The following CHN2 variants were observed in gnomAD, a reference collection of about 807,000 sequenced individuals.
CHN2 encodes beta-chimaerin.
Under a neutral mutation model 56.3 loss-of-function variants are expected in CHN2, and 35 were observed. The observed-to-expected ratio is 0.62, with a 90% CI of 0.47 to 0.82. The LOEUF is 0.82. Among genes scored for constraint, CHN2 ranks in the 40% least tolerant of loss-of-function variants. The probability of loss-of-function intolerance (pLI) is 0.00; values close to 1 mark genes in which losing one functional copy is unlikely to be tolerated. For synonymous variants in CHN2, 210 were observed against 212.8 expected, an observed-to-expected ratio of 0.99 and a Z score of 0.12; for missense variants, 491 against 580.5, an observed-to-expected ratio of 0.85 and a Z score of 1.58.
intron 1 of CHN2, among the ~76,000 whole-genome samples, chr7:29,261,871 A>C (rs1789582694): frequency 6.6e-6 from 1 of 152,232 alleles, no homozygotes; most frequent in South Asian, 2.1e-4. Context: ...TTAAAGAGCA[A>C]TAAAGTAAGT....
At chr7:29,422,090 G>A (rs11763168) in intron 6 of CHN2, among the ~76,000 whole-genome samples, 32,842 of 152,136 alleles carry the variant, frequency 0.22, 4,256 homozygotes, top group Admixed American at 0.29. Context: ...GTTTAAATTA[G>A]CAAGTATACA....
At chr7:29,352,350 CGTGTGT>C (rs60859228) in intron 1 of CHN2, among the ~76,000 whole-genome samples, 1 of 149,862 alleles carries the variant, frequency 6.7e-6, no homozygotes, top group African/African-American at 2.5e-5. Context: ...TGCAGTCTGT[CGTGTGT>C]GTGTGTGTGT....
intron 6 of CHN2, among the ~76,000 whole-genome samples, chr7:29,452,368 C>T (rs1784464571): frequency 1.3e-5 from 2 of 152,146 alleles, no homozygotes; most frequent in Admixed American, 1.3e-4. Context: ...GGCCCTTACT[C>T]TTGGGGGTGT....
At chr7:29,504,951 T>A in intron 10 of CHN2, 130 bp downstream of exon 10, 1 of 628,096 alleles carries the variant, frequency 1.6e-6, no homozygotes, top group Non-Finnish European at 2.8e-6. Flanking sequence ...GGAGGAATAA[T>A]GGCTTACAAA....
rs757815191 is a variant in CHN2 at position 29,194,925 on chromosome 7, G to T, written c.-17G>T. On this transcript the variant is annotated 5_prime_UTR_variant, in exon 1 of 13. Coordinates refer to ENST00000222792, the MANE Select transcript of CHN2 (RefSeq NM_004067.4). ...GCACCGGGGCTGAGCGAGCAGCGAC[G>T]CGAGGGGCGCGCGGAGATGGCAGCG... is the stretch of plus-strand genomic sequence containing the variant. 1.3e-6 allele frequency: 2 copies of T among 1,556,244 alleles called. No individual in the cohort carries two copies. Among genetic ancestry groups the T allele is most frequent in the Admixed American group, 1.9e-5 (1 of 53,064 alleles).
chr7:29,199,289 A>G (rs920997166), intron 1 of CHN2, among the ~76,000 whole-genome samples: 7 of 152,234 alleles, frequency 4.6e-5, no homozygotes, highest in Admixed American at 3.9e-4. Context: ...ATGTATGTCT[A>G]ACTAGAAATT....
intron 1 of CHN2, among the ~76,000 whole-genome samples, chr7:29,287,504 C>T (rs1334211892): frequency 6.6e-6 from 1 of 152,162 alleles, no homozygotes; most frequent in Non-Finnish European, 1.5e-5. Flanking sequence ...GATACCTACT[C>T]ATGGAGTCTT....
At chr7:29,219,050 G>A (rs1182575935) in intron 1 of CHN2, among the ~76,000 whole-genome samples, 6 of 152,258 alleles carry the variant, frequency 3.9e-5, no homozygotes, top group East Asian at 1.9e-4. Context: ...AGGCTCTGTC[G>A]GAGACTGATG....
At chr7:29,291,036 T>G (rs1778249251) in intron 1 of CHN2, among the ~76,000 whole-genome samples, 1 of 152,146 alleles carries the variant, frequency 6.6e-6, no homozygotes, top group Non-Finnish European at 1.5e-5. Context: ...GTGGGTTGTT[T>G]GCATGCACAG....
Position 29,400,716 on chromosome 7 carries a change from A to C in CHN2, c.464A>C (p.His155Pro). The change falls in exon 6 of 13, where the codon CAC (histidine) becomes CCC (proline). Residue 155 changes from histidine (H) to proline (P), a missense_variant. By Grantham distance (77) the His-to-Pro change is moderately conservative. Transcript: ENST00000222792. Reference sequence around the variant, plus strand: ...ATGACAACTAACCCCATCTATGAACACATTGGATATGCCACCCTACTCAGA... The same window carrying C: ...ATGACAACTAACCCCATCTATGAACCCATTGGATATGCCACCCTACTCAGA... ...SKMTTNPIYE[H>P]IGYATLLREK... is the part of the protein sequence containing the mutation. 1 of 1,614,212 alleles carries C rather than the reference A, an allele frequency of 6.2e-7. No homozygotes were observed. Among genetic ancestry groups the C allele is most frequent in the Non-Finnish European group, 8.5e-7 (1 of 1,180,044 alleles).
At chr7:29,349,337 AT>A (rs1797704435) in intron 1 of CHN2, among the ~76,000 whole-genome samples, 2 of 152,194 alleles carry the variant, frequency 1.3e-5, no homozygotes, top group African/African-American at 4.8e-5. Flanking sequence ...GCTCATGACA[AT>A]GCTGTATGTT....
intron 1 of CHN2, among the ~76,000 whole-genome samples, chr7:29,259,712 G>A (rs1047229098): frequency 1.3e-5 from 2 of 151,996 alleles, no homozygotes; most frequent in Admixed American, 1.3e-4. Context: ...GATCTTAAGT[G>A]GCCTCACTCT....
intron 1 of CHN2, among the ~76,000 whole-genome samples, chr7:29,321,640 G>A (rs1336045050): frequency 1.4e-5 from 2 of 145,964 alleles, no homozygotes; most frequent in African/African-American, 2.5e-5. Context: ...GCACAATCTC[G>A]GCTCACCACA....
At chr7:29,235,736 G>A (rs949369273) in intron 1 of CHN2, among the ~76,000 whole-genome samples, 12 of 152,204 alleles carry the variant, frequency 7.9e-5, no homozygotes, top group Non-Finnish European at 1.0e-4. Flanking sequence ...GTCCTTTGCA[G>A]CAACATGGAT....
chr7:29,246,077 CA>C (rs2128813819), intron 1 of CHN2, among the ~76,000 whole-genome samples: 1 of 152,234 alleles, frequency 6.6e-6, no homozygotes, highest in East Asian at 1.9e-4. Flanking sequence ...ATCCATAGAG[CA>C]CTTGGCAAAG....
At chr7:29,434,213 A>G (rs1477396352) in intron 6 of CHN2, among the ~76,000 whole-genome samples, 1 of 152,174 alleles carries the variant, frequency 6.6e-6, no homozygotes, top group Non-Finnish European at 1.5e-5. Flanking sequence ...CTAGTCAACT[A>G]GATGCTGCTA....
At chr7:29,457,155 A>G (rs1214875281) in intron 6 of CHN2, among the ~76,000 whole-genome samples, 1 of 152,156 alleles carries the variant, frequency 6.6e-6, no homozygotes, top group Non-Finnish European at 1.5e-5. Flanking sequence ...CAACAAAGTG[A>G]CCACAACCAG....
At position 29,371,087 on chromosome 7, in the gene CHN2, C is replaced by T. The variant is rs114826576; in HGVS notation, c.144+3100C>T. On this transcript the variant is annotated intron_variant, in intron 3 of 12. Coordinates refer to ENST00000222792, the MANE Select transcript of CHN2 (RefSeq NM_004067.4). ...CAAGTGTCCAATACAGTGCCTGCTG[C>T]ATAATGGGTACTCAGTTAATGTTCA... 6.4e-3 allele frequency among the ~76,000 whole-genome samples: 977 copies of T among 152,230 alleles called. 13 individuals carry two copies. Among genetic ancestry groups the T allele is most frequent in the African/African-American group, 0.023 (939 of 41,526 alleles).
intron 2 of CHN2, among the ~76,000 whole-genome samples, chr7:29,187,084 G>A (rs1798805925): frequency 6.6e-6 from 1 of 152,172 alleles, no homozygotes; most frequent in South Asian, 2.1e-4. Context: ...TACTTAAGGA[G>A]AGTGACTTTT....
Sources: gnomAD v4.1 joint callset for allele counts (sites outside exome capture counted in the v4.1 genomes callset) on GRCh38, gnomAD v4.1.1 for gene constraint, MANE v1.5 for transcripts, NCBI Gene and HGNC (gene_info 2026-07-23, HGNC 2026-07-21) for gene names.